The following ERBB4 variants were observed in gnomAD, a reference collection of about 807,000 sequenced individuals.
The protein encoded by ERBB4 is receptor tyrosine-protein kinase erbB-4.
In ERBB4, 42 loss-of-function variants were observed where a neutral mutation model predicts 158.0. The ratio of observed to expected loss-of-function variants is 0.27; its 90% CI spans 0.21 to 0.34. ERBB4 has a LOEUF of 0.34. ERBB4 is among the 10% of genes least tolerant of loss of function. ERBB4 has a pLI of 1.00. For synonymous variants in ERBB4, 583 were observed against 558.7 expected (o/e 1.04, Z -0.61); for missense variants, 1,333 against 1,624.1 (o/e 0.82, Z 3.08).
chr2:211,836,824 A>G (rs537529857), intron 3 of ERBB4, among the ~76,000 whole-genome samples: 78 of 152,064 alleles, frequency 5.1e-4, no homozygotes, highest in African/African-American at 1.8e-3. Context: ...ATAAATTAGA[A>G]AAGATTATAT....
chr2:212,109,600 T>C (rs1185131190), intron 2 of ERBB4, among the ~76,000 whole-genome samples: 2 of 152,176 alleles, frequency 1.3e-5, no homozygotes, highest in Non-Finnish European at 2.9e-5. Context: ...CTGAACATCA[T>C]AGTCCAAATG....
intron 16 of ERBB4, among the ~76,000 whole-genome samples, chr2:211,649,403 A>C (rs1262455301): frequency 1.3e-5 from 2 of 151,904 alleles, no homozygotes; most frequent in Non-Finnish European, 2.9e-5. Context: ...AGATTTTGGA[A>C]AAGACATCAG....
intron 4 of ERBB4, among the ~76,000 whole-genome samples, chr2:211,773,982 C>G (rs958579678): frequency 6.6e-6 from 1 of 151,702 alleles, no homozygotes; most frequent in Non-Finnish European, 1.5e-5. Context: ...GTAACTTATT[C>G]CGTTGATCAA....
intron 3 of ERBB4, among the ~76,000 whole-genome samples, chr2:211,896,689 A>G (rs972469623): frequency 6.6e-6 from 1 of 152,060 alleles, no homozygotes; most frequent in African/African-American, 2.4e-5. Context: ...TAAAATGACA[A>G]ATCATATCAC....
intron 1 of ERBB4, among the ~76,000 whole-genome samples, chr2:212,302,668 T>G (rs949873733): frequency 1.3e-5 from 2 of 151,526 alleles, no homozygotes; most frequent in Admixed American, 1.3e-4. Flanking sequence ...AAGAGATGAA[T>G]GGCTCTTGTG....
At chr2:212,005,251 C>T (rs2076232987) in intron 2 of ERBB4, among the ~76,000 whole-genome samples, 1 of 152,074 alleles carries the variant, frequency 6.6e-6, no homozygotes. Flanking sequence ...TAAAGCAGAA[C>T]TCGAAATTTT....
At chr2:212,398,958 T>A (rs2091110569) in intron 1 of ERBB4, among the ~76,000 whole-genome samples, 1 of 152,178 alleles carries the variant, frequency 6.6e-6, no homozygotes, top group African/African-American at 2.4e-5. Flanking sequence ...TTATTATTAT[T>A]TTTGATACGG....
chr2:212,449,042 ATG>A (rs1286670715), intron 1 of ERBB4, among the ~76,000 whole-genome samples: 2 of 152,074 alleles, frequency 1.3e-5, no homozygotes, highest in African/African-American at 2.4e-5. Context: ...CACAGATTGT[ATG>A]TGTGTGTGTT....
At chr2:211,913,694 TAG>T (rs1185194288) in intron 3 of ERBB4, among the ~76,000 whole-genome samples, 4 of 149,232 alleles carry the variant, frequency 2.7e-5, no homozygotes, top group African/African-American at 4.9e-5. Context: ...TATATATACA[TAG>T]AGAGAGAGAG....
chr2:211,971,154 G>T (rs1323632369), intron 2 of ERBB4, among the ~76,000 whole-genome samples: 2 of 152,124 alleles, frequency 1.3e-5, no homozygotes, highest in Non-Finnish European at 2.9e-5. Context: ...GGTCATATAT[G>T]AAATTCTGGG....
intron 1 of ERBB4, among the ~76,000 whole-genome samples, chr2:212,382,800 T>C (rs115234146): frequency 1.0e-3 from 157 of 151,460 alleles, no homozygotes; most frequent in Middle Eastern, 6.8e-3. Flanking sequence ...AATTATTTTA[T>C]TGCTAGAGAA....
At chr2:212,023,158 T>A (rs1047369498) in intron 2 of ERBB4, among the ~76,000 whole-genome samples, 3 of 152,142 alleles carry the variant, frequency 2.0e-5, no homozygotes, top group African/African-American at 7.2e-5. Context: ...ATCTCCAGCC[T>A]GGACATGAGC....
intron 5 of ERBB4, among the ~76,000 whole-genome samples, chr2:211,730,673 A>G (rs1225645938): frequency 6.6e-6 from 1 of 152,064 alleles, no homozygotes; most frequent in African/African-American, 2.4e-5. Flanking sequence ...TTAAGCTCCC[A>G]GGTAATGTCT....
At chr2:212,103,913 T>C (rs982199962) in intron 2 of ERBB4, among the ~76,000 whole-genome samples, 2 of 152,102 alleles carry the variant, frequency 1.3e-5, no homozygotes. Flanking sequence ...ACATGTTGCT[T>C]TCTCTGTACA....
chr2:212,201,537 AATT>A (rs1255520712), intron 1 of ERBB4, among the ~76,000 whole-genome samples: 1 of 152,138 alleles, frequency 6.6e-6, no homozygotes, highest in Non-Finnish European at 1.5e-5. Context: ...GTAAGACTCT[AATT>A]ATTTTCTCTA....
chr2:212,040,359 T>C (rs1254152142), intron 2 of ERBB4, among the ~76,000 whole-genome samples: 5 of 151,954 alleles, frequency 3.3e-5, no homozygotes, highest in African/African-American at 9.7e-5. Context: ...AAAACACTTA[T>C]ATATTTTTCC....
chr2:211,784,430 C>A (rs1197476627), intron 4 of ERBB4, among the ~76,000 whole-genome samples: 1 of 152,134 alleles, frequency 6.6e-6, no homozygotes, highest in Non-Finnish European at 1.5e-5. Context: ...GTGACCAGAT[C>A]TCCTTCCTTT....
chr2:212,460,964 G>A (rs966750213), intron 1 of ERBB4, among the ~76,000 whole-genome samples: 1 of 152,208 alleles, frequency 6.6e-6, no homozygotes, highest in African/African-American at 2.4e-5. Flanking sequence ...GCAGCCTAGG[G>A]AGTTGGTGCC....
Position 211,947,565 on chromosome 2 carries a change from A to G in ERBB4, c.286T>C (p.Tyr96His), listed in dbSNP as rs2080737482. The G allele has an allele frequency of 6.8e-6, 11 of 1,613,738 alleles. No individual in the cohort carries two copies. The highest frequency in any genetic ancestry group is 9.3e-6 in the Non-Finnish European group (11 of 1,179,908). The change falls in exon 3 of 28, where the codon TAC becomes CAC. Residue 96 changes from tyrosine (Y) to histidine (H), a missense_variant. Coordinates refer to ENST00000342788, the MANE Select transcript of ERBB4 (RefSeq NM_005235.3). Reference protein sequence around the residue: ...YVLVALNQFRYLPLENLRIIR... With the variant: ...YVLVALNQFRHLPLENLRIIR... ...ATGCGTAAATTCTCCAGAGGCAGGTAACGAAACTGATTAAGAGCCACTAAC... is the reference window on the plus strand; with the variant it reads ...ATGCGTAAATTCTCCAGAGGCAGGTGACGAAACTGATTAAGAGCCACTAAC...
Sources: gnomAD v4.1 joint callset for allele counts (sites outside exome capture counted in the v4.1 genomes callset) on GRCh38, gnomAD v4.1.1 for gene constraint, MANE v1.5 for transcripts, NCBI Gene and HGNC (gene_info 2026-07-23, HGNC 2026-07-21) for gene names.